HMCN2: variants seen among roughly 807,000 people sequenced by gnomAD.
HMCN2 encodes hemicentin-2.
Under a neutral mutation model 377.5 loss-of-function variants are expected in HMCN2, and 325 were observed. The observed-to-expected ratio is 0.86, with a 90% confidence interval of 0.79 to 0.94. The LOEUF is 0.94. Among genes scored for constraint, HMCN2 ranks in the 40% least tolerant of loss-of-function variants. HMCN2 has a pLI of 0.00. For synonymous variants in HMCN2, 2,007 were observed against 2,046.8 expected (o/e 0.98, Z 0.53); for missense variants, 4,543 against 4,725.3 (o/e 0.96, Z 1.13).
At chr9:130,346,664 C>G (rs1222486861) in intron 25 of HMCN2, among the ~76,000 whole-genome samples, 4 of 152,102 alleles carry the variant, frequency 2.6e-5, no homozygotes, top group African/African-American at 7.2e-5. Context: ...TTAGTGCCTA[C>G]TGTGTGCCGG....
intron 85 of HMCN2, among the ~76,000 whole-genome samples, chr9:130,416,105 T>TA (rs981212897): frequency 3.4e-5 from 5 of 145,862 alleles, no homozygotes; most frequent in African/African-American, 5.2e-5. Context: ...GCTTTATTTT[T>TA]TTTTTTTTTT....
At chr9:130,412,567 C>CTCT (rs369198894) in intron 85 of HMCN2, among the ~76,000 whole-genome samples, 3 of 134,528 alleles carry the variant, frequency 2.2e-5, no homozygotes, top group African/African-American at 5.5e-5. Context: ...CTTTCTTTCT[C>CTCT]TTTTTTTTTT....
chr9:130,385,807 A>G (rs1396643607), intron 60 of HMCN2, 45 bp downstream of exon 60: 1 of 1,261,326 alleles, frequency 7.9e-7, no homozygotes, highest in Non-Finnish European at 1.0e-6. Context: ...GCTGCAGGAA[A>G]GTCGCCTCCC....
chr9:130,395,632 G>A (rs1240215254), intron 71 of HMCN2, among the ~76,000 whole-genome samples: 18 of 152,304 alleles, frequency 1.2e-4, no homozygotes, highest in South Asian at 4.1e-4. Context: ...GGCCTGGACC[G>A]GTGACCAAGG....
Position 130,365,344 on chromosome 9 carries a change from C to T in HMCN2, c.6409-287C>T, listed in dbSNP as rs142107960. Among the ~76,000 whole-genome samples the T allele has an allele frequency of 4.6e-3, 675 of 146,070 alleles. 8 individuals carry two copies. Among genetic ancestry groups the T allele is most frequent in the Admixed American group, 9.4e-3 (138 of 14,710 alleles). On this transcript the variant is annotated intron_variant, in intron 41 of 97. Coordinates refer to ENST00000683500, the MANE Select transcript of HMCN2 (RefSeq NM_001291815.2). ...GCTGGGAGCTGATGAAATGCAGGAG[C>T]AGGTCTGAGCCAGTCACATGCCTCC...
intron 45 of HMCN2, among the ~76,000 whole-genome samples, chr9:130,370,092 C>G (rs1462841457): frequency 6.6e-6 from 1 of 152,166 alleles, no homozygotes; most frequent in Admixed American, 6.5e-5. Context: ...CTCTCTCCCT[C>G]TTGGGTTTAC....
At position 130,372,389 on chromosome 9, in the gene HMCN2, T is replaced by A. The variant is rs927861054; in HGVS notation, c.7333T>A (p.Phe2445Ile). The A allele has an allele frequency of 1.0e-6, 1 of 985,598 alleles. No individual in the cohort carries two copies. The highest frequency in any genetic ancestry group is 1.2e-6 in the Non-Finnish European group (1 of 829,772). The allele number at this position is 985,598 out of a possible 1,614,324, so 61.1% of individuals were successfully genotyped here. A position where few individuals can be genotyped will look rare whatever the true frequency, so the allele number is the denominator to read the frequency against. ...SNEAGEARRN[F>I]SVEVLVPPSI... Reference sequence around the variant, plus strand: ...CGAGGCTGGGGAGGCACGGAGGAACTTCAGTGTGGAGGTGCTGGGTGCGTT... The same window carrying A: ...CGAGGCTGGGGAGGCACGGAGGAACATCAGTGTGGAGGTGCTGGGTGCGTT... Residue 2445 changes from phenylalanine (F) to isoleucine (I), a missense_variant, in exon 47 of 98, where the codon TTC becomes ATC. Coordinates refer to ENST00000683500, the MANE Select transcript of HMCN2 (RefSeq NM_001291815.2).
intron 82 of HMCN2, 71 bp from the exon 83 acceptor site, chr9:130,407,492 GTTCCTGCA>G: frequency 8.3e-7 from 1 of 1,208,926 alleles, no homozygotes; most frequent in Admixed American, 2.7e-5. Flanking sequence ...TTTTTATTAA[GTTCCTGCA>G]GGTACCCAGG....
At chr9:130,286,579 A>G (rs1415496388) in intron 4 of HMCN2, among the ~76,000 whole-genome samples, 1 of 152,232 alleles carries the variant, frequency 6.6e-6, no homozygotes, top group African/African-American at 2.4e-5. Context: ...TTGTGCAGGT[A>G]AAGAGGCTGA....
chr9:130,418,385 A>G (rs1164444241), intron 85 of HMCN2, among the ~76,000 whole-genome samples: 2 of 152,038 alleles, frequency 1.3e-5, no homozygotes, highest in African/African-American at 4.8e-5. Context: ...ATATGACGAA[A>G]CCCCATCTCT....
chr9:130,375,949 G>A lies in HMCN2; in HGVS notation c.7878G>A (p.Glu2626=). Residue 2626 remains glutamate, a synonymous_variant, in exon 51 of 98, where the codon GAG becomes GAA. Transcript: ENST00000683500. ...AGTACACCTGCGTGGTCACCAATGA[G>A]CTCGGGGAGGCCGTGAAAAACTACC... ...AGQYTCVVTN[E]LGEAVKNYHV... 1 of 985,886 alleles carries A rather than the reference G, an allele frequency of 1.0e-6. No homozygotes were observed. Among genetic ancestry groups the A allele is most frequent in the Non-Finnish European group, 1.2e-6 (1 of 829,978 alleles). The allele number at this position is 985,886 out of a possible 1,614,324, so 61.1% of individuals were successfully genotyped here. A position where few individuals can be genotyped will look rare whatever the true frequency, so the allele number is the denominator to read the frequency against.
intron 4 of HMCN2, among the ~76,000 whole-genome samples, chr9:130,288,303 G>A (rs182155857): frequency 1.3e-3 from 199 of 152,306 alleles, no homozygotes; most frequent in Non-Finnish European, 2.2e-3. Context: ...AGTCTGGCCG[G>A]GCAGCATGTG....
Position 130,358,409 on chromosome 9 carries a change from G to A in HMCN2, c.5600G>A (p.Arg1867Lys). The A allele has an allele frequency of 1.5e-6, 2 of 1,304,232 alleles. No homozygotes were observed. The highest frequency in any genetic ancestry group is 2.0e-6 in the Non-Finnish European group (2 of 988,918). The allele number at this position is 1,304,232 out of a possible 1,614,324, so 80.8% of individuals were successfully genotyped here. A position where few individuals can be genotyped will look rare whatever the true frequency, so the allele number is the denominator to read the frequency against. ...GNLQIEKVDL[R>K]DEGIYTCAAT... is the part of the protein sequence containing the mutation. ...CTCCAGATTGAGAAGGTGGACCTGA[G>A]GGACGAGGGCATCTACACTTGTGCT... The change falls in exon 36 of 98, where the codon AGG (arginine) becomes AAG (lysine). Residue 1867 changes from arginine to lysine, a missense_variant. Transcript: ENST00000683500.
At chr9:130,282,734 C>T (rs1269413744) in intron 1 of HMCN2, among the ~76,000 whole-genome samples, 3 of 152,154 alleles carry the variant, frequency 2.0e-5, no homozygotes, top group Admixed American at 2.0e-4. Context: ...TTGTTTACAG[C>T]AACTGGAATT....
chr9:130,300,257 C>T (rs1447763488), intron 8 of HMCN2, among the ~76,000 whole-genome samples: 1 of 151,872 alleles, frequency 6.6e-6, no homozygotes, highest in Non-Finnish European at 1.5e-5. Flanking sequence ...CATCTATCCA[C>T]CCATTCGTCC....
At position 130,402,826 on chromosome 9, in the gene HMCN2, A is replaced by G. The variant is rs1223825726; in HGVS notation, c.11808A>G (p.Ala3936=). The change falls in exon 78 of 98, where the codon GCA becomes GCG. Residue 3936 remains alanine, a synonymous_variant. Coordinates refer to ENST00000683500, the MANE Select transcript of HMCN2 (RefSeq NM_001291815.2). ...TCGGGCAGGCCCTCCCCATCCACGCAGGCCGCTACACCTGCTCAGCCCGCA... is the reference window on the plus strand; with the variant it reads ...TCGGGCAGGCCCTCCCCATCCACGCGGGCCGCTACACCTGCTCAGCCCGCA... ...LEIGQALPIH[A]GRYTCSARNS... The G allele has an allele frequency of 7.8e-7, 1 of 1,289,736 alleles. No homozygotes were observed. The highest frequency in any genetic ancestry group is 2.3e-5 in the Admixed American group (1 of 43,568). The allele number at this position is 1,289,736 out of a possible 1,614,324, so 79.9% of individuals were successfully genotyped here.
At position 130,433,622 on chromosome 9, in the gene HMCN2, G is replaced by T; in HGVS notation, c.15169G>T (p.Val5057Leu). 1 of 1,520,462 alleles carries T rather than the reference G, an allele frequency of 6.6e-7. No individual in the cohort carries two copies. 94.2% of individuals were successfully genotyped at this position (1,520,462 alleles called of 1,614,324 possible). A position where few individuals can be genotyped will look rare whatever the true frequency, so the allele number is the denominator to read the frequency against. ...CCGCGCCGGCCTCTACCGGCTCACC[G>T]TGCGTGCTGCGGCACCGCGCCACCA... ...LTRAGLYRLT[V>L]RAAAPRHQSV... The change falls in exon 98 of 98, where the codon GTG (valine) becomes TTG (leucine). Residue 5057 changes from valine to leucine, a missense_variant. Coordinates refer to ENST00000683500, the MANE Select transcript of HMCN2 (RefSeq NM_001291815.2).
intron 54 of HMCN2, among the ~76,000 whole-genome samples, chr9:130,380,103 C>T (rs1194221203): frequency 1.1e-4 from 16 of 152,104 alleles, no homozygotes; most frequent in African/African-American, 2.9e-4. Context: ...CTCAAACTCC[C>T]GACCTCAGGT....
intron 4 of HMCN2, among the ~76,000 whole-genome samples, chr9:130,287,683 A>G (rs1232162629): frequency 1.3e-5 from 2 of 151,874 alleles, no homozygotes; most frequent in African/African-American, 2.4e-5. Flanking sequence ...TGAAGTTTCC[A>G]GGGACTGGGC....
Sources: allele counts gnomAD v4.1 joint callset (sites outside exome capture counted in the v4.1 genomes callset), GRCh38; gene constraint gnomAD v4.1.1; transcripts MANE v1.5; gene names NCBI Gene and HGNC (gene_info 2026-07-23, HGNC 2026-07-21).